SYNPO: variants seen among roughly 807,000 people sequenced by gnomAD.
SYNPO encodes synaptopodin.
SYNPO carries 19 observed loss-of-function variants against 49.5 expected under a neutral mutation model. The ratio of observed to expected loss-of-function variants is 0.38; its 90% CI spans 0.27 to 0.56. SYNPO has a LOEUF of 0.56. SYNPO is among the 20% of genes least tolerant of loss of function. SYNPO has a pLI of 0.68. For synonymous variants in SYNPO, 536 were observed against 548.0 expected (o/e 0.98, Z 0.31); for missense variants, 1,131 against 1,248.3 (o/e 0.91, Z 1.42).
At chr5:150,640,092 G>A (rs1757846770), upstream of SYNPO, 1 of 982,058 alleles carries the variant, frequency 1.0e-6, no homozygotes, top group Non-Finnish European at 1.2e-6. Flanking sequence ...GGGTTGCTGT[G>A]GAAGTAAGTG....
At chr5:150,612,189 C>A (rs898989394) in intron 1 of SYNPO, among the ~76,000 whole-genome samples, 1 of 152,312 alleles carries the variant, frequency 6.6e-6, no homozygotes, top group Non-Finnish European at 1.5e-5. Context: ...GTTCCCCTAC[C>A]CTAGACTGGT....
intron 1 of SYNPO, chr5:150,614,614 C>T (rs1756935811): frequency 6.6e-6 from 1 of 152,104 alleles, no homozygotes; most frequent in African/African-American, 2.4e-5. Context: ...CAGAGTTCTC[C>T]TCTCTGAGAT....
rs1758280851 is a variant in SYNPO, at chr5:150,649,718, T to G, written c.1443T>G (p.Ala481=). The G allele has an allele frequency of 1.2e-6, 2 of 1,612,484 alleles. No homozygotes were observed. The part of the protein sequence containing the change: ...QNLSEASGKG[A]ELYARRQSRM... ...TCTCCGAGGCCTCTGGGAAGGGAGCTGAGCTCTACGCCCGCCGCCAGTCAC... is the reference window on the plus strand; with the variant it reads ...TCTCCGAGGCCTCTGGGAAGGGAGCGGAGCTCTACGCCCGCCGCCAGTCAC... Residue 481 remains alanine (A), a synonymous_variant, in exon 2 of 3, where the codon GCT becomes GCG. Transcript: ENST00000307662.
the SYNPO span, among the ~76,000 whole-genome samples, chr5:150,588,249 A>G: frequency 6.6e-6 from 1 of 152,276 alleles, no homozygotes; most frequent in Non-Finnish European, 1.5e-5. Context: ...GCCACCGGCC[A>G]TATCTCCATG....
intron 1 of SYNPO, among the ~76,000 whole-genome samples, chr5:150,606,034 TACAG>T (rs1344857012): frequency 6.6e-6 from 1 of 151,872 alleles, no homozygotes; most frequent in Non-Finnish European, 1.5e-5. Flanking sequence ...TAGAAACACG[TACAG>T]ACACACAGAT....
rs958750509 is a variant in SYNPO, at chr5:150,634,192, C to T, written c.401-13752C>T. On this transcript the variant is annotated intron_variant, in intron 2 of 2. Coordinates refer to the SYNPO transcript ENST00000394243. ...TAAGGTGTATATTCTGTGGTTCCTC[C>T]GGTCTAGGATAAAGCCCAGGAATCT... Among the ~76,000 whole-genome samples, 17 of 152,230 alleles carry T rather than the reference C, an allele frequency of 1.1e-4. No homozygotes were observed. In the East Asian group the frequency reaches 2.1e-3, roughly 19 times the overall value.
At chr5:150,652,234 C>T (rs1336748908) in intron 2 of SYNPO, 2 of 1,000,628 alleles carry the variant, frequency 2.0e-6, no homozygotes, top group East Asian at 1.1e-4. Context: ...CCTTGAGGGC[C>T]ACCAATGGAA....
At chr5:150,620,384 A>G (rs1757114690) in intron 2 of SYNPO, among the ~76,000 whole-genome samples, 1 of 152,280 alleles carries the variant, frequency 6.6e-6, no homozygotes, top group Non-Finnish European at 1.5e-5. Context: ...TACCCTTTTC[A>G]TTTCATTTAA....
the SYNPO span, among the ~76,000 whole-genome samples, chr5:150,589,664 CA>C: frequency 2.6e-5 from 4 of 152,192 alleles, no homozygotes; most frequent in African/African-American, 9.7e-5. Flanking sequence ...AGGTTTTGAG[CA>C]GGGGAATGAC....
At position 150,657,929 on chromosome 5, in the gene SYNPO, C is replaced by T. The variant is rs1013503210; in HGVS notation, c.*842C>T. 1.3e-5 allele frequency: 2 copies of T among 152,420 alleles called. No homozygotes were observed. The highest frequency in any genetic ancestry group is 4.8e-5 in the African/African-American group (2 of 41,444). 9.4% of individuals were successfully genotyped at this position (152,420 alleles called of 1,614,324 possible). A position where few individuals can be genotyped will look rare whatever the true frequency, so the allele number is the denominator to read the frequency against. On this transcript the variant is annotated 3_prime_UTR_variant, in exon 3 of 3. Transcript: ENST00000307662. ...TTAGGCCCAGGACTTGGGCCTCCAG[C>T]TCATCTGTTCCTTCTGGGCCCATTC...
At chr5:150,605,231 CCCCA>C (rs1357840185) in intron 1 of SYNPO, among the ~76,000 whole-genome samples, 1 of 152,146 alleles carries the variant, frequency 6.6e-6, no homozygotes, top group Non-Finnish European at 1.5e-5. Context: ...AGGCCCTGAG[CCCCA>C]GGTGGGGCTC....
chr5:150,652,147 G>C lies in SYNPO; in HGVS notation c.2028+1844G>C, dbSNP rs113051108. On this transcript the variant is annotated intron_variant, in intron 2 of 2. Transcript: ENST00000307662. ...GGGGGTATGCGTGGGGGAGTTGTGA[G>C]TGAGCTCAGCTCCTTCAGGCCTGGC... The C allele has an allele frequency of 9.6e-4, 963 of 1,002,114 alleles. 5 individuals are homozygous for C. In the East Asian group the frequency reaches 0.025, roughly 26 times the overall value. The allele number at this position is 1,002,114 out of a possible 1,614,324, so 62.1% of individuals were successfully genotyped here.
chr5:150,604,540 T>G (rs534426551), intron 1 of SYNPO, among the ~76,000 whole-genome samples: 8 of 152,192 alleles, frequency 5.3e-5, no homozygotes, highest in Admixed American at 2.0e-4. Context: ...CACATCCATA[T>G]CTACCGGTGG....
upstream of SYNPO, among the ~76,000 whole-genome samples, chr5:150,597,356 A>G (rs1220360508): frequency 1.3e-5 from 2 of 152,118 alleles, no homozygotes; most frequent in Non-Finnish European, 2.9e-5. Flanking sequence ...TTTGAGACAG[A>G]GTTTTGCTCT....
chr5:150,621,029 T>C (rs551220798), intron 2 of SYNPO, among the ~76,000 whole-genome samples: 1 of 151,084 alleles, frequency 6.6e-6, no homozygotes, highest in South Asian at 2.1e-4. Flanking sequence ...CTCGGCTCAT[T>C]GCGACCTCCG....
chr5:150,637,930 C>A (rs1757773717), upstream of SYNPO, among the ~76,000 whole-genome samples: 1 of 152,080 alleles, frequency 6.6e-6, no homozygotes, highest in Admixed American at 6.5e-5. Context: ...ACCCGGAGGC[C>A]CAGGTTCTGG....
chr5:150,592,755 T>G, the SYNPO span, among the ~76,000 whole-genome samples: 1 of 152,254 alleles, frequency 6.6e-6, no homozygotes, highest in African/African-American at 2.4e-5. Flanking sequence ...GATCTTGTGT[T>G]CGAGTGACTG....
chr5:150,651,133 G>A, intron 2 of SYNPO: 1 of 1,057,574 alleles, frequency 9.5e-7, no homozygotes, highest in Non-Finnish European at 1.2e-6. Flanking sequence ...GGAGAGCCCT[G>A]TAGGGGGCTG....
chr5:150,650,322 T>C lies in SYNPO; in HGVS notation c.2028+19T>C, dbSNP rs1285955252. The C allele has an allele frequency of 1.9e-6, 3 of 1,614,040 alleles. No homozygotes were observed. Among genetic ancestry groups the C allele is most frequent in the Non-Finnish European group, 1.7e-6 (2 of 1,179,970 alleles). ...GGCTCAGGTGTGGAAGCCTTCCTTC[T>C]GCTTCAAGTAACGAACCCCACGGGG... On this transcript the variant is annotated intron_variant, in intron 2 of 2. Coordinates refer to ENST00000307662, the MANE Select transcript of SYNPO (RefSeq NM_007286.6).
Sources: gnomAD v4.1 joint callset for allele counts (sites outside exome capture counted in the v4.1 genomes callset) on GRCh38, gnomAD v4.1.1 for gene constraint, MANE v1.5 for transcripts, NCBI Gene and HGNC (gene_info 2026-07-23, HGNC 2026-07-21) for gene names.